Variants in PLXNA2 observed in about 807,000 individuals in gnomAD.
PLXNA2 encodes plexin-A2.
Under a neutral mutation model 193.5 loss-of-function variants are expected in PLXNA2, and 91 were observed. That is an observed-to-expected ratio of 0.47 (90% CI 0.40 to 0.56). The LOEUF (loss-of-function observed/expected upper bound fraction) is 0.56, where lower values mean the gene tolerates loss of function less well. PLXNA2 is among the 20% of genes least tolerant of loss of function. The pLI is 0.00. For missense variants in PLXNA2, 1,995 were observed against 2,503.2 expected (o/e 0.80, Z 4.33); for synonymous variants, 997 against 1,027.3 (o/e 0.97, Z 0.56).
rs370252401 is a variant in PLXNA2, at chr1:208,104,754, A to G, written c.1507-1507T>C. ...CCTACATCATCACACTTAACATTGC[A>G]TATATGAGGCTTTTCTGTAAGTCAG... On this transcript the variant is annotated intron_variant, in intron 4 of 31. Coordinates refer to ENST00000367033, the MANE Select transcript of PLXNA2 (RefSeq NM_025179.4). 2.5e-4 allele frequency among the ~76,000 whole-genome samples: 38 copies of G among 152,258 alleles called. 1 individual carries two copies. In the South Asian group the frequency reaches 7.7e-3, roughly 31 times the overall value.
intron 3 of PLXNA2, among the ~76,000 whole-genome samples, chr1:208,163,854 G>A (rs906989104): frequency 1.3e-5 from 2 of 152,184 alleles, no homozygotes; most frequent in African/African-American, 2.4e-5. Flanking sequence ...CTGGCAAGTC[G>A]ATGCTCCATA....
chr1:208,192,447 T>C (rs1305476812), intron 3 of PLXNA2, among the ~76,000 whole-genome samples: 1 of 150,286 alleles, frequency 6.7e-6, no homozygotes, highest in African/African-American at 2.5e-5. Flanking sequence ...ATTTGAACCT[T>C]TTTTTTTAAA....
At chr1:208,139,364 C>T (rs1350272806) in intron 4 of PLXNA2, among the ~76,000 whole-genome samples, 1 of 152,116 alleles carries the variant, frequency 6.6e-6, no homozygotes, top group Non-Finnish European at 1.5e-5. Flanking sequence ...GTGTCATGTC[C>T]CCCTGCCCCC....
chr1:208,178,171 G>A (rs1015395953), intron 3 of PLXNA2, among the ~76,000 whole-genome samples: 2 of 152,110 alleles, frequency 1.3e-5, no homozygotes, highest in African/African-American at 2.4e-5. Flanking sequence ...ACGCTCCCAT[G>A]GCACTGTTTT....
intron 9 of PLXNA2, 67 bp from the exon 10 acceptor site, chr1:208,084,647 C>CACAT: frequency 3.4e-6 from 5 of 1,482,464 alleles, no homozygotes; most frequent in Non-Finnish European, 4.6e-6. Context: ...CTGGGACAGG[C>CACAT]AGGCCCCTCT....
intron 3 of PLXNA2, among the ~76,000 whole-genome samples, chr1:208,199,971 T>A (rs1255132425): frequency 6.6e-6 from 1 of 152,252 alleles, no homozygotes; most frequent in Non-Finnish European, 1.5e-5. Context: ...TCTTGCTTGA[T>A]AGCGTCAATC....
At chr1:208,052,770 CA>C (rs1400016078) in intron 14 of PLXNA2, among the ~76,000 whole-genome samples, 2 of 152,138 alleles carry the variant, frequency 1.3e-5, no homozygotes, top group Admixed American at 1.3e-4. Context: ...AATTCGTTTA[CA>C]AATTGAGAAC....
intron 3 of PLXNA2, among the ~76,000 whole-genome samples, chr1:208,189,404 C>G (rs1482123374): frequency 1.3e-5 from 2 of 151,948 alleles, no homozygotes; most frequent in African/African-American, 4.8e-5. Flanking sequence ...CACAGGGCCC[C>G]ACAGGAGGCC....
At chr1:208,161,578 G>A (rs1042812825) in intron 3 of PLXNA2, among the ~76,000 whole-genome samples, 7 of 152,156 alleles carry the variant, frequency 4.6e-5, no homozygotes, top group Non-Finnish European at 8.8e-5. Flanking sequence ...GGGCACGGAC[G>A]AGTGGCCAAG....
At chr1:208,191,610 T>C (rs993505713) in intron 3 of PLXNA2, among the ~76,000 whole-genome samples, 1 of 152,246 alleles carries the variant, frequency 6.6e-6, no homozygotes, top group African/African-American at 2.4e-5. Context: ...GAAATTATTA[T>C]TATTTCCAGT....
intron 8 of PLXNA2, among the ~76,000 whole-genome samples, chr1:208,095,153 A>G (rs1666840168): frequency 6.6e-6 from 1 of 152,220 alleles, no homozygotes; most frequent in Non-Finnish European, 1.5e-5. Context: ...TTTTGGTCCT[A>G]TGACCCTTAT....
At chr1:208,155,227 C>T (rs879638845) in intron 3 of PLXNA2, among the ~76,000 whole-genome samples, 8 of 152,122 alleles carry the variant, frequency 5.3e-5, no homozygotes, top group Non-Finnish European at 1.0e-4. Context: ...TCCACAGGAC[C>T]GGTGCTGGGG....
chr1:208,192,692 G>A (rs929829460), intron 3 of PLXNA2, among the ~76,000 whole-genome samples: 6 of 151,950 alleles, frequency 3.9e-5, no homozygotes, highest in Admixed American at 2.0e-4. Context: ...TTCGAGACCA[G>A]CCTGGCCAAC....
intron 15 of PLXNA2, among the ~76,000 whole-genome samples, chr1:208,051,940 T>G (rs1270507305): frequency 6.6e-6 from 1 of 152,202 alleles, no homozygotes; most frequent in Admixed American, 6.5e-5. Context: ...CAATTTTTTA[T>G]GTACAGAGGA....
intron 28 of PLXNA2, chr1:208,032,087 GGCT>G (rs1383540427): frequency 3.0e-6 from 3 of 985,286 alleles, no homozygotes; most frequent in Non-Finnish European, 3.6e-6. Flanking sequence ...AGGGGGCACA[GGCT>G]GCAAGCCAGT....
chr1:208,177,059 GCTTTGCCGACTCTCCCAGAC>G (rs56919289), intron 3 of PLXNA2, among the ~76,000 whole-genome samples: 11,437 of 152,156 alleles, frequency 0.075, 635 homozygotes, highest in Non-Finnish European at 0.12. Context: ...TTCTTTGATG[GCTTTGCCGACTCTCCCAGAC>G]CTATTCATTC....
chr1:208,178,397 C>T (rs901128770), intron 3 of PLXNA2, among the ~76,000 whole-genome samples: 1 of 152,186 alleles, frequency 6.6e-6, no homozygotes, highest in Non-Finnish European at 1.5e-5. Flanking sequence ...GTGGGCCTAA[C>T]TGAGGGAGGA....
In PLXNA2 at chr1:208,043,081, G is replaced by C. The variant is rs1664929976; in HGVS notation, c.3997C>G (p.Pro1333Ala). ...ATTACCTCCAGCTCCCGCAGGACGG[G>C]GTGGTCCTCGATGCCCGGGAACAGG... is the stretch of plus-strand genomic sequence containing the variant. ...RVLFPGIEDH[P>A]VLRELEVQGN... Residue 1333 changes from proline to alanine, a missense_variant, in exon 21 of 32, where the codon CCC becomes GCC. Pro to Ala is a conservative substitution (Grantham distance 27, BLOSUM62 -1). This residue lies in a region of PLXNA2 where 1,291 missense variants were observed against 1,673.6 expected (regional missense o/e 0.77). Transcript: ENST00000367033. The C allele has an allele frequency of 1.2e-6, 2 of 1,613,852 alleles. No individual in the cohort carries two copies. Among genetic ancestry groups the C allele is most frequent in the Non-Finnish European group, 1.7e-6 (2 of 1,180,020 alleles).
At chr1:208,046,552 G>T (rs1371375667) in intron 17 of PLXNA2, among the ~76,000 whole-genome samples, 1 of 151,764 alleles carries the variant, frequency 6.6e-6, no homozygotes, top group Non-Finnish European at 1.5e-5. Flanking sequence ...GTGTCTGTGT[G>T]TGTGCATGAG....
Sources: allele counts gnomAD v4.1 joint callset (sites outside exome capture counted in the v4.1 genomes callset), GRCh38; gene constraint gnomAD v4.1.1; regional missense constraint gnomAD v4.1.1; transcripts MANE v1.5; gene names NCBI Gene and HGNC (gene_info 2026-07-23, HGNC 2026-07-21).